The following SOAT1 variants were observed in gnomAD, a reference collection of about 807,000 sequenced individuals.
The protein encoded by SOAT1 is acyl-coenzyme A:cholesterol acyltransferase 1.
Under a neutral mutation model 69.5 loss-of-function variants are expected in SOAT1, and 55 were observed. That is an observed-to-expected ratio of 0.79 (90% CI 0.64 to 0.99). The LOEUF (loss-of-function observed/expected upper bound fraction) is 0.99, where lower values mean the gene tolerates loss of function less well. Ranked by LOEUF, SOAT1 falls within the 50% of genes least tolerant of loss-of-function variation. SOAT1 has a pLI of 0.00. For synonymous variants in SOAT1, 231 were observed against 224.7 expected, an observed-to-expected ratio of 1.03 and a Z score of -0.25; for missense variants, 580 against 669.3, an observed-to-expected ratio of 0.87 and a Z score of 1.47.
At chr1:179,318,168 C>G (rs1341106296) in intron 2 of SOAT1, among the ~76,000 whole-genome samples, 1 of 149,128 alleles carries the variant, frequency 6.7e-6, no homozygotes, top group Non-Finnish European at 1.5e-5. Context: ...GCAGTCCAAC[C>G]TAGATGACAG....
At chr1:179,328,078 A>T (rs1442087437) in intron 3 of SOAT1, among the ~76,000 whole-genome samples, 17 of 152,312 alleles carry the variant, frequency 1.1e-4, no homozygotes, top group Non-Finnish European at 1.5e-5. Flanking sequence ...TTACATTAAC[A>T]ATTAAATTAC....
chr1:179,318,714 G>A (rs1250333260), intron 2 of SOAT1, among the ~76,000 whole-genome samples: 18 of 152,144 alleles, frequency 1.2e-4, no homozygotes, highest in Admixed American at 1.2e-3. Flanking sequence ...AGGATCATAC[G>A]ATATGTAGTC....
chr1:179,308,689 A>G (rs1665112582), intron 2 of SOAT1, among the ~76,000 whole-genome samples: 1 of 148,530 alleles, frequency 6.7e-6, no homozygotes, highest in Non-Finnish European at 1.5e-5. Context: ...AAAAAAAAAG[A>G]TTTGGTTTTA....
At chr1:179,308,533 G>A (rs371969909) in intron 2 of SOAT1, among the ~76,000 whole-genome samples, 2 of 151,946 alleles carry the variant, frequency 1.3e-5, no homozygotes, top group African/African-American at 2.4e-5. Flanking sequence ...TCAGCTGGGC[G>A]TGGTGGTGGG....
chr1:179,328,398 G>A (rs1665858522), intron 3 of SOAT1, among the ~76,000 whole-genome samples: 1 of 152,176 alleles, frequency 6.6e-6, no homozygotes, highest in Non-Finnish European at 1.5e-5. Flanking sequence ...AAAGAGTAAG[G>A]ATTTTAGTAG....
intron 7 of SOAT1, 114 bp downstream of exon 7, chr1:179,341,424 A>G: frequency 4.6e-6 from 5 of 1,098,180 alleles, no homozygotes; most frequent in Admixed American, 2.4e-5. Context: ...AAATTTTCAT[A>G]TATTGTTCTT....
chr1:179,348,535 G>C (rs1366159853), intron 12 of SOAT1, among the ~76,000 whole-genome samples: 1 of 152,066 alleles, frequency 6.6e-6, no homozygotes, highest in Admixed American at 6.6e-5. Flanking sequence ...ACTGATTGCT[G>C]TTTAGATGAA....
intron 3 of SOAT1, among the ~76,000 whole-genome samples, chr1:179,329,918 G>A (rs1033066529): frequency 2.0e-5 from 3 of 152,168 alleles, no homozygotes; most frequent in African/African-American, 7.2e-5. Flanking sequence ...CAACAGTTCA[G>A]AGGTAGCAGG....
chr1:179,322,609 A>C (rs1291998780), intron 2 of SOAT1, among the ~76,000 whole-genome samples: 1 of 152,160 alleles, frequency 6.6e-6, no homozygotes. Flanking sequence ...AATTGCACTT[A>C]TGTCTGCCAG....
chr1:179,322,415 C>G (rs1189000335), intron 2 of SOAT1, among the ~76,000 whole-genome samples: 1 of 151,788 alleles, frequency 6.6e-6, no homozygotes, highest in African/African-American at 2.4e-5. Flanking sequence ...CAGAGTCTCA[C>G]TCTGTCATCC....
chr1:179,312,360 G>GGGTT (rs1255474243), intron 2 of SOAT1, among the ~76,000 whole-genome samples: 1 of 152,128 alleles, frequency 6.6e-6, no homozygotes, highest in African/African-American at 2.4e-5. Context: ...TAATGACAGA[G>GGGTT]GGTTAGTAAG....
chr1:179,333,833 C>CAA (rs11378989), intron 3 of SOAT1, among the ~76,000 whole-genome samples: 31 of 133,614 alleles, frequency 2.3e-4, no homozygotes, highest in East Asian at 4.3e-4. Context: ...AACTCCGTCT[C>CAA]AAAAAAAAAA....
chr1:179,299,771 T>TTTTTTTTTGG, intron 1 of SOAT1, among the ~76,000 whole-genome samples: 1 of 95,980 alleles, frequency 1.0e-5, no homozygotes, highest in Middle Eastern at 7.6e-3. Flanking sequence ...TTTTTTTTTT[T>TTTTTTTTTGG]GAGACGGAGT....
At chr1:179,340,974 A>T (rs1666314969) in intron 6 of SOAT1, 54 bp from the exon 7 acceptor site, 1 of 1,534,626 alleles carries the variant, frequency 6.5e-7, no homozygotes, top group Non-Finnish European at 8.9e-7. Context: ...CTGTGAACTC[A>T]GTGTATATTA....
intron 3 of SOAT1, among the ~76,000 whole-genome samples, chr1:179,334,299 A>T (rs1309473536): frequency 6.6e-6 from 1 of 152,190 alleles, no homozygotes; most frequent in Non-Finnish European, 1.5e-5. Flanking sequence ...ATTAGAGTAG[A>T]ATATGTTAAG....
At chr1:179,299,400 A>G (rs1366279252) in intron 1 of SOAT1, among the ~76,000 whole-genome samples, 1 of 152,222 alleles carries the variant, frequency 6.6e-6, no homozygotes. Context: ...ATAGGTGCTC[A>G]TTAAATCAGA....
intron 6 of SOAT1, among the ~76,000 whole-genome samples, chr1:179,340,343 G>A (rs1321481963): frequency 6.6e-6 from 1 of 152,128 alleles, no homozygotes; most frequent in African/African-American, 2.4e-5. Flanking sequence ...TTAGCTGGGC[G>A]TGGTGGCAGA....
At chr1:179,314,642 TCTCAAA>T (rs1665333127) in intron 2 of SOAT1, among the ~76,000 whole-genome samples, 1 of 152,162 alleles carries the variant, frequency 6.6e-6, no homozygotes, top group South Asian at 2.1e-4. Context: ...CTCAGGCTGG[TCTCAAA>T]CTCCTGGCTT....
At chr1:179,294,787 C>T (rs1245505666) in intron 1 of SOAT1, among the ~76,000 whole-genome samples, 4 of 152,238 alleles carry the variant, frequency 2.6e-5, no homozygotes, top group Admixed American at 2.6e-4. Flanking sequence ...CCCGCTTCGG[C>T]CTCCCAAAGT....
Sources: gnomAD v4.1 joint callset for allele counts (sites outside exome capture counted in the v4.1 genomes callset) on GRCh38, gnomAD v4.1.1 for gene constraint, MANE v1.5 for transcripts, NCBI Gene and HGNC (gene_info 2026-07-23, HGNC 2026-07-21) for gene names.